TRMT1L: variants seen among roughly 807,000 people sequenced by gnomAD.
TRMT1L encodes the protein tRNA (guanine(27)-N(2))-dimethyltransferase.
TRMT1L carries 28 observed loss-of-function variants against 81.6 expected under a neutral mutation model. That is an observed-to-expected ratio of 0.34 (90% CI 0.25 to 0.47). TRMT1L has a LOEUF of 0.47. TRMT1L is among the 20% of genes least tolerant of loss of function. The pLI, the probability that TRMT1L is intolerant of heterozygous loss-of-function variation, is 1.00. For missense variants in TRMT1L, 739 were observed against 877.1 expected (o/e 0.84, Z 1.99); for synonymous variants, 301 against 303.2 (o/e 0.99, Z 0.07).
chr1:185,122,184 GA>G (rs1652516461), intron 13 of TRMT1L, among the ~76,000 whole-genome samples: 1 of 152,116 alleles, frequency 6.6e-6, no homozygotes. Flanking sequence ...CCAGTCCATT[GA>G]TGATGGGCAC....
chr1:185,136,927 T>C (rs1358913157), intron 10 of TRMT1L, among the ~76,000 whole-genome samples: 1 of 152,052 alleles, frequency 6.6e-6, no homozygotes, highest in Non-Finnish European at 1.5e-5. Context: ...AAGCTCTTTC[T>C]AACTACAGGC....
intron 8 of TRMT1L, 113 bp downstream of exon 8, chr1:185,139,860 G>A: frequency 1.6e-6 from 2 of 1,236,272 alleles, no homozygotes; most frequent in Non-Finnish European, 2.2e-6. Flanking sequence ...GTCAAAAAAT[G>A]GCATTAATTT....
At chr1:185,132,240 G>A (rs1197218406) in intron 10 of TRMT1L, among the ~76,000 whole-genome samples, 1 of 150,788 alleles carries the variant, frequency 6.6e-6, no homozygotes, top group Non-Finnish European at 1.5e-5. Context: ...CTCAGAGGCT[G>A]GGCGCAGTGG....
intron 9 of TRMT1L, among the ~76,000 whole-genome samples, chr1:185,138,520 C>G (rs976990433): frequency 1.3e-5 from 2 of 152,074 alleles, no homozygotes; most frequent in Non-Finnish European, 2.9e-5. Flanking sequence ...AGTATTGGGG[C>G]TGGCAAGTGA....
At chr1:185,131,213 A>G (rs1238271571) in intron 10 of TRMT1L, among the ~76,000 whole-genome samples, 2 of 152,016 alleles carry the variant, frequency 1.3e-5, no homozygotes, top group African/African-American at 4.8e-5. Context: ...GTTAGCCAGG[A>G]TGGTCTCGAT....
At chr1:185,134,723 A>T (rs1571347598) in intron 10 of TRMT1L, among the ~76,000 whole-genome samples, 1 of 152,242 alleles carries the variant, frequency 6.6e-6, no homozygotes, top group East Asian at 1.9e-4. Context: ...AAATTCTTTA[A>T]CCTCTTTAAG....
intron 3 of TRMT1L, among the ~76,000 whole-genome samples, chr1:185,149,793 G>A (rs898515014): frequency 3.9e-5 from 6 of 151,978 alleles, no homozygotes; most frequent in South Asian, 2.1e-4. Context: ...TCTGTCCTTC[G>A]ATTTTATTCT....
At chr1:185,128,557 AGACTT>A in intron 11 of TRMT1L, 107 bp downstream of exon 11, 3 of 1,008,166 alleles carry the variant, frequency 3.0e-6, no homozygotes, top group Non-Finnish European at 4.6e-6. Context: ...TTATTTGCCT[AGACTT>A]AACAATTGAA....
intron 4 of TRMT1L, among the ~76,000 whole-genome samples, chr1:185,145,811 A>T (rs1424640285): frequency 6.6e-6 from 1 of 151,956 alleles, no homozygotes; most frequent in African/African-American, 2.4e-5. Context: ...ATCAGAAAAT[A>T]ATTGTATTTT....
At chr1:185,137,065 A>G (rs1425449502) in intron 10 of TRMT1L, among the ~76,000 whole-genome samples, 1 of 152,194 alleles carries the variant, frequency 6.6e-6, no homozygotes, top group East Asian at 1.9e-4. Flanking sequence ...AAAAATTCAT[A>G]AAATACCAAG....
chr1:185,126,067 T>C (rs1652620972), intron 11 of TRMT1L, among the ~76,000 whole-genome samples: 1 of 152,120 alleles, frequency 6.6e-6, no homozygotes. Flanking sequence ...ATAAACTGGA[T>C]TCCAATCCTG....
intron 7 of TRMT1L, among the ~76,000 whole-genome samples, 166 bp from the exon 8 acceptor site, chr1:185,140,388 T>G (rs549588145): frequency 6.6e-6 from 1 of 152,362 alleles, no homozygotes; most frequent in South Asian, 2.1e-4. Flanking sequence ...AGGTTATAAC[T>G]AAAAATCTGT....
chr1:185,153,818 T>G (rs1265587647), intron 1 of TRMT1L, among the ~76,000 whole-genome samples: 2 of 152,174 alleles, frequency 1.3e-5, no homozygotes, highest in Non-Finnish European at 2.9e-5. Flanking sequence ...CACAGGGCTC[T>G]CTAATATTAT....
intron 11 of TRMT1L, among the ~76,000 whole-genome samples, chr1:185,127,469 A>C (rs1374637971): frequency 6.6e-6 from 1 of 152,086 alleles, no homozygotes; most frequent in African/African-American, 2.4e-5. Flanking sequence ...TTTCTGTAAG[A>C]ATCTCGGCCG....
intron 10 of TRMT1L, among the ~76,000 whole-genome samples, chr1:185,132,381 T>C (rs1349628621): frequency 6.6e-6 from 1 of 151,864 alleles, no homozygotes; most frequent in East Asian, 1.9e-4. Flanking sequence ...TAGCTGAGCA[T>C]GGTGGCATGT....
chr1:185,124,891 C>A (rs1238143001), intron 12 of TRMT1L, 53 bp downstream of exon 12: 3 of 1,472,104 alleles, frequency 2.0e-6, no homozygotes, highest in African/African-American at 1.4e-5. Flanking sequence ...GAAAAAGATA[C>A]AGTATTTTTG....
intron 13 of TRMT1L, among the ~76,000 whole-genome samples, chr1:185,121,208 T>C (rs1313094299): frequency 6.6e-6 from 1 of 152,236 alleles, no homozygotes; most frequent in Non-Finnish European, 1.5e-5. Flanking sequence ...AATGAGATTT[T>C]GCCTGGTGTT....
intron 11 of TRMT1L, among the ~76,000 whole-genome samples, chr1:185,127,995 T>C (rs1652675653): frequency 6.6e-6 from 1 of 150,930 alleles, no homozygotes; most frequent in Admixed American, 6.6e-5. Flanking sequence ...GTGCCTGTAA[T>C]CCCAGCTACT....
chr1:185,125,098 A>G lies in TRMT1L; in HGVS notation c.1605T>C (p.Leu535=). 1 of 1,606,000 alleles carries G rather than the reference A, an allele frequency of 6.2e-7. No individual in the cohort carries two copies. Among genetic ancestry groups the G allele is most frequent in the African/African-American group, 1.3e-5 (1 of 74,914 alleles). Residue 535 remains leucine, a synonymous_variant, in exon 12 of 15, where the codon CTT becomes CTC. Coordinates refer to ENST00000367506, the MANE Select transcript of TRMT1L (RefSeq NM_030934.5). ...IELGPLWSSS[L]FNTGFLKRML... ...TTCTTTTGAGGAATCCAGTATTGAAAAGGGAACTTGACCTGAAAAGAAAAG... is the reference window on the plus strand; with the variant it reads ...TTCTTTTGAGGAATCCAGTATTGAAGAGGGAACTTGACCTGAAAAGAAAAG...
Sources: gnomAD v4.1 joint callset for allele counts (sites outside exome capture counted in the v4.1 genomes callset) on GRCh38, gnomAD v4.1.1 for gene constraint, MANE v1.5 for transcripts, NCBI Gene and HGNC (gene_info 2026-07-23, HGNC 2026-07-21) for gene names.